USH2A: variants seen among roughly 807,000 people sequenced by gnomAD.
USH2A encodes Usher syndrome 2A (autosomal recessive, mild).
In USH2A, 443 loss-of-function variants were observed where a neutral mutation model predicts 538.9. That is an observed-to-expected ratio of 0.82 (90% CI 0.76 to 0.89). The LOEUF (loss-of-function observed/expected upper bound fraction) is 0.89, where lower values mean the gene tolerates loss of function less well. Ranked by LOEUF, USH2A falls within the 40% of genes least tolerant of loss-of-function variation. The pLI, the probability that USH2A is intolerant of heterozygous loss-of-function variation, is 0.00. For missense variants in USH2A, 6,633 were observed against 6,324.8 expected, an observed-to-expected ratio of 1.05 and a Z score of -1.65; for synonymous variants, 2,413 against 2,273.5, an observed-to-expected ratio of 1.06 and a Z score of -1.75.
In USH2A at chr1:215,639,231, A is replaced by G. The variant is rs1227819337; in HGVS notation, c.14976T>C (p.Phe4992=). The G allele has an allele frequency of 6.2e-7, 1 of 1,614,158 alleles. No homozygotes were observed. The highest frequency in any genetic ancestry group is 8.5e-7 in the Non-Finnish European group (1 of 1,180,020). ...YIPRTADKTF[F]FQVICTTDEG... Reference sequence around the variant, plus strand: ...CGTCAGTCGTGCAGATGACCTGGAAAAAGAAGGCTAGACAAAAGGAAGAAC... The same window carrying G: ...CGTCAGTCGTGCAGATGACCTGGAAGAAGAAGGCTAGACAAAAGGAAGAAC... The change falls in exon 69 of 72, where the codon TTT becomes TTC. Residue 4992 remains phenylalanine (F), a synonymous_variant. Transcript: ENST00000307340.
At chr1:216,084,341 A>C (rs572573640) in intron 25 of USH2A, among the ~76,000 whole-genome samples, 3 of 152,286 alleles carry the variant, frequency 2.0e-5, no homozygotes. Flanking sequence ...GGATTAACCT[A>C]GTAAACAAAA....
chr1:216,109,527 G>A (rs574626669), intron 21 of USH2A, among the ~76,000 whole-genome samples: 10 of 152,162 alleles, frequency 6.6e-5, no homozygotes, highest in African/African-American at 2.2e-4. Flanking sequence ...TCTTTAGTCT[G>A]GTTTTCTTGT....
chr1:215,896,239 C>T (rs1275767485), intron 40 of USH2A, among the ~76,000 whole-genome samples: 5 of 150,842 alleles, frequency 3.3e-5, no homozygotes, highest in Admixed American at 2.0e-4. Flanking sequence ...ATTTGGGAAA[C>T]GATCAAACAT....
At chr1:215,854,766 C>T (rs912724476) in intron 44 of USH2A, among the ~76,000 whole-genome samples, 8 of 152,148 alleles carry the variant, frequency 5.3e-5, no homozygotes, top group Non-Finnish European at 1.2e-4. Context: ...AACCTGGTCA[C>T]CCCATCCTAA....
chr1:216,213,468 A>C (rs1393439188), intron 15 of USH2A, among the ~76,000 whole-genome samples: 1 of 152,044 alleles, frequency 6.6e-6, no homozygotes. Context: ...TGGGTAATTC[A>C]ATGGGGAAAG....
intron 70 of USH2A, chr1:215,629,883 C>T: frequency 3.7e-6 from 1 of 273,506 alleles, no homozygotes; most frequent in South Asian, 3.6e-5. Context: ...TCACGCCATT[C>T]TCCTGCCTCA....
chr1:216,230,944 T>A (rs1558331417), intron 14 of USH2A, among the ~76,000 whole-genome samples: 1 of 151,100 alleles, frequency 6.6e-6, no homozygotes, highest in Non-Finnish European at 1.5e-5. Flanking sequence ...TTATAGCACA[T>A]CTTCAAAAAT....
chr1:215,644,243 T>C (rs1321956757), intron 67 of USH2A, among the ~76,000 whole-genome samples: 2 of 152,178 alleles, frequency 1.3e-5, no homozygotes, highest in African/African-American at 4.8e-5. Context: ...AAAGGAAGCA[T>C]AGCTTGAAGG....
chr1:215,651,567 A>G (rs1385126229), intron 64 of USH2A, among the ~76,000 whole-genome samples: 1 of 152,006 alleles, frequency 6.6e-6, no homozygotes, highest in Non-Finnish European at 1.5e-5. Flanking sequence ...TTTCTTCTAC[A>G]TTATATATTT....
At chr1:216,009,202 C>T (rs902122251) in intron 32 of USH2A, among the ~76,000 whole-genome samples, 10 of 152,004 alleles carry the variant, frequency 6.6e-5, no homozygotes, top group African/African-American at 2.4e-4. Flanking sequence ...ACCCCTGAAC[C>T]CCTTCCCTCC....
At chr1:215,836,455 GTATATATATTATATA>G (rs1558119632) in intron 47 of USH2A, among the ~76,000 whole-genome samples, 4 of 56,810 alleles carry the variant, frequency 7.0e-5, no homozygotes, top group African/African-American at 2.4e-4. Context: ...ATGTGTGTGT[GTATATATATTATATA>G]TATATATATA....
intron 11 of USH2A, among the ~76,000 whole-genome samples, chr1:216,268,702 A>G (rs752404209): frequency 6.6e-6 from 1 of 152,096 alleles, no homozygotes; most frequent in Non-Finnish European, 1.5e-5. Context: ...CCTTTTCTGA[A>G]TACATCAGGG....
chr1:216,330,888 A>C (rs1233402593), intron 4 of USH2A, among the ~76,000 whole-genome samples: 5 of 152,050 alleles, frequency 3.3e-5, no homozygotes, highest in African/African-American at 4.8e-5. Flanking sequence ...TGTACCTTTC[A>C]ATGCTGATAA....
chr1:216,153,450 C>T (rs753763631), intron 21 of USH2A, among the ~76,000 whole-genome samples: 2 of 152,178 alleles, frequency 1.3e-5, no homozygotes, highest in Non-Finnish European at 2.9e-5. Context: ...GTCACATATC[C>T]TGCAACAGGG....
chr1:215,715,050 G>A (rs146682877), intron 61 of USH2A, among the ~76,000 whole-genome samples: 52 of 152,240 alleles, frequency 3.4e-4, no homozygotes, highest in African/African-American at 1.1e-3. Context: ...ATAGGTAAAC[G>A]TGTGCCATGG....
intron 13 of USH2A, among the ~76,000 whole-genome samples, chr1:216,237,964 C>T (rs1375456542): frequency 2.0e-5 from 3 of 152,120 alleles, no homozygotes; most frequent in Admixed American, 2.0e-4. Context: ...AGTTGTCTCA[C>T]CAAACACTAG....
At chr1:216,048,231 G>T (rs914978865) in intron 31 of USH2A, among the ~76,000 whole-genome samples, 7 of 152,170 alleles carry the variant, frequency 4.6e-5, no homozygotes, top group African/African-American at 1.7e-4. Context: ...AAATGAGGAA[G>T]CTTTCATTAA....
chr1:216,062,835 T>C (rs1332369059), intron 30 of USH2A, among the ~76,000 whole-genome samples: 1 of 152,062 alleles, frequency 6.6e-6, no homozygotes, highest in African/African-American at 2.4e-5. Context: ...ATAAACACAA[T>C]GGCAAATTTT....
chr1:215,725,669 T>A (rs891391843), intron 61 of USH2A, among the ~76,000 whole-genome samples: 5 of 152,316 alleles, frequency 3.3e-5, no homozygotes, highest in African/African-American at 7.2e-5. Context: ...GTATTGTTTT[T>A]AAAATTATTC....
Sources: gnomAD v4.1 joint callset for allele counts (sites outside exome capture counted in the v4.1 genomes callset) on GRCh38, gnomAD v4.1.1 for gene constraint, MANE v1.5 for transcripts, NCBI Gene and HGNC (gene_info 2026-07-23, HGNC 2026-07-21) for gene names.